Variants in SLC35F1 observed in about 807,000 individuals in gnomAD.
The protein encoded by SLC35F1 is solute carrier family 35 member F1, also known as chromosome 6 open reading frame 169.
Under a neutral mutation model 48.7 loss-of-function variants are expected in SLC35F1, and 14 were observed. The observed-to-expected ratio is 0.29, with a 90% confidence interval of 0.19 to 0.45. The LOEUF is 0.45. Ranked by LOEUF, SLC35F1 falls within the 20% of genes least tolerant of loss-of-function variation. The pLI is 1.00. For missense variants in SLC35F1, 404 were observed against 500.0 expected (o/e 0.81, Z 1.83); for synonymous variants, 190 against 202.2 (o/e 0.94, Z 0.51).
At chr6:118,189,317 A>G (rs1774701754) in intron 2 of SLC35F1, among the ~76,000 whole-genome samples, 1 of 152,192 alleles carries the variant, frequency 6.6e-6, no homozygotes, top group East Asian at 1.9e-4. Context: ...AACAGGTGTG[A>G]GTAATATCAC....
chr6:118,019,536 C>T (rs943549726), intron 1 of SLC35F1, among the ~76,000 whole-genome samples: 4 of 152,030 alleles, frequency 2.6e-5, no homozygotes, highest in South Asian at 2.1e-4. Context: ...GCAGGAGAAT[C>T]GCTTGAACCT....
chr6:118,284,093 TG>T (rs1238075922), intron 6 of SLC35F1, among the ~76,000 whole-genome samples: 1 of 152,200 alleles, frequency 6.6e-6, no homozygotes, highest in Non-Finnish European at 1.5e-5. Context: ...ACTTTTCATA[TG>T]GGTAAACCCA....
In SLC35F1 at chr6:117,982,055, G is replaced by A. The variant is rs554449566; in HGVS notation, c.173+74156G>A. Among the ~76,000 whole-genome samples the A allele has an allele frequency of 9.9e-5, 15 of 152,168 alleles. No individual in the cohort carries two copies. The South Asian group carries it at 2.1e-3, about 21-fold the overall frequency. ...TATGCTTTTAAGAATACAAAAATACGAGATTCATATTTAATCTGTGATCTA... is the reference window on the plus strand; with the variant it reads ...TATGCTTTTAAGAATACAAAAATACAAGATTCATATTTAATCTGTGATCTA... On this transcript the variant is annotated intron_variant, in intron 1 of 7. Coordinates refer to ENST00000360388, the MANE Select transcript of SLC35F1 (RefSeq NM_001029858.4).
chr6:118,311,399 T>C (rs935897382), intron 7 of SLC35F1, among the ~76,000 whole-genome samples: 3 of 151,944 alleles, frequency 2.0e-5, no homozygotes, highest in Non-Finnish European at 4.4e-5. Context: ...AAAAAAAAAA[T>C]AGCAGATAAT....
chr6:117,948,285 C>G (rs1265009506), intron 1 of SLC35F1, among the ~76,000 whole-genome samples: 1 of 152,096 alleles, frequency 6.6e-6, no homozygotes. Context: ...ATTCTAATTT[C>G]TTTGGATTTG....
At chr6:117,915,270 A>G (rs1412240017) in intron 1 of SLC35F1, among the ~76,000 whole-genome samples, 1 of 152,228 alleles carries the variant, frequency 6.6e-6, no homozygotes, top group Admixed American at 6.5e-5. Flanking sequence ...CTTATAAGGC[A>G]TATACTTTAT....
intron 1 of SLC35F1, among the ~76,000 whole-genome samples, chr6:117,916,939 C>T (rs1403551807): frequency 6.6e-6 from 1 of 152,160 alleles, no homozygotes; most frequent in Admixed American, 6.5e-5. Flanking sequence ...GGAAACAAAG[C>T]AGAAAAGACC....
At chr6:117,932,911 C>T (rs1039524744) in intron 1 of SLC35F1, among the ~76,000 whole-genome samples, 5 of 152,130 alleles carry the variant, frequency 3.3e-5, no homozygotes, top group African/African-American at 1.2e-4. Context: ...CCCAGATCTC[C>T]CTGATAGACT....
intron 2 of SLC35F1, among the ~76,000 whole-genome samples, chr6:118,180,283 A>G (rs1774554946): frequency 6.6e-6 from 1 of 152,140 alleles, no homozygotes; most frequent in African/African-American, 2.4e-5. Context: ...ATCTCAAAGA[A>G]TTCCCACAGG....
At chr6:118,250,505 A>G (rs1172429465) in intron 3 of SLC35F1, among the ~76,000 whole-genome samples, 1 of 152,238 alleles carries the variant, frequency 6.6e-6, no homozygotes, top group Non-Finnish European at 1.5e-5. Context: ...ATTGCATTTT[A>G]GCGTAATCAA....
chr6:118,006,120 TAA>T (rs1777171459), intron 1 of SLC35F1, among the ~76,000 whole-genome samples: 1 of 152,160 alleles, frequency 6.6e-6, no homozygotes. Context: ...CATAGTAGAT[TAA>T]GTTAGAATTA....
At chr6:118,111,838 T>C (rs985857298) in intron 1 of SLC35F1, among the ~76,000 whole-genome samples, 2 of 152,324 alleles carry the variant, frequency 1.3e-5, no homozygotes, top group East Asian at 1.9e-4. Context: ...CACTTTCTTA[T>C]AAGGTACTTG....
chr6:118,152,829 C>T (rs982288056), intron 1 of SLC35F1, among the ~76,000 whole-genome samples: 7 of 152,192 alleles, frequency 4.6e-5, no homozygotes, highest in African/African-American at 1.7e-4. Flanking sequence ...GGCATCTTTG[C>T]AGATGTTCTA....
At chr6:118,057,135 G>T (rs562395878) in intron 1 of SLC35F1, among the ~76,000 whole-genome samples, 3 of 152,158 alleles carry the variant, frequency 2.0e-5, no homozygotes, top group Non-Finnish European at 4.4e-5. Context: ...CTATGAGAAG[G>T]CTGTCTTGAA....
At chr6:118,020,599 G>C (rs79115341) in intron 1 of SLC35F1, among the ~76,000 whole-genome samples, 2,311 of 152,294 alleles carry the variant, frequency 0.015, 58 homozygotes, top group East Asian at 0.069. Flanking sequence ...CTGGATGAGA[G>C]ACTTGGAAGA....
intron 2 of SLC35F1, among the ~76,000 whole-genome samples, chr6:118,173,385 T>TAA (rs571653145): frequency 6.2e-5 from 8 of 129,302 alleles, no homozygotes; most frequent in African/African-American, 1.7e-4. Flanking sequence ...AAGAGTTAGT[T>TAA]AAAAAAAAAA....
rs1775130188 is a variant in SLC35F1 at position 118,220,259 on chromosome 6, A to AT, written c.350-15249dup. Among the ~76,000 whole-genome samples, 6 of 152,186 alleles carry AT rather than the reference A, an allele frequency of 3.9e-5. No homozygotes were observed. In the South Asian group the frequency reaches 1.2e-3, roughly 32 times the overall value. ...AGTTCCCAAATCAAGAGAACAATGC[A>AT]TAAGGACTGTGTGAACTCAGAGGAA... On this transcript the variant is annotated intron_variant, in intron 2 of 7. Transcript: ENST00000360388.
intron 1 of SLC35F1, among the ~76,000 whole-genome samples, chr6:117,999,622 A>AC (rs1381981351): frequency 6.6e-6 from 1 of 152,150 alleles, no homozygotes; most frequent in Non-Finnish European, 1.5e-5. Context: ...GGAAATAGAG[A>AC]CCCAAAAAAA....
chr6:118,118,929 TTTGC>T (rs1296969691), intron 1 of SLC35F1, among the ~76,000 whole-genome samples: 1 of 90,474 alleles, frequency 1.1e-5, no homozygotes, highest in Non-Finnish European at 2.1e-5. Context: ...AGGTTTTTTG[TTTGC>T]TTGTTTGCTT....
Sources: gnomAD v4.1 joint callset for allele counts (sites outside exome capture counted in the v4.1 genomes callset) on GRCh38, gnomAD v4.1.1 for gene constraint, MANE v1.5 for transcripts, NCBI Gene and HGNC (gene_info 2026-07-23, HGNC 2026-07-21) for gene names.